Variants in TLN2 observed in about 807,000 individuals in gnomAD.
The protein encoded by TLN2 is talin-2.
A neutral mutation model predicts 294.7 loss-of-function variants in TLN2; 118 were observed. The observed-to-expected ratio is 0.40, with a 90% CI of 0.34 to 0.47. TLN2 has a LOEUF of 0.47. Among genes scored for constraint, TLN2 ranks in the 20% least tolerant of loss-of-function variants. The pLI is 0.84. For missense variants in TLN2, 3,083 were observed against 3,282.2 expected (o/e 0.94, Z 1.48); for synonymous variants, 1,431 against 1,304.5 (o/e 1.10, Z -2.09).
chr15:62,393,189 T>C (rs1171082310), intron 1 of TLN2, among the ~76,000 whole-genome samples: 1 of 152,206 alleles, frequency 6.6e-6, no homozygotes, highest in African/African-American at 2.4e-5. Context: ...GCCACTGGTT[T>C]CTCTCTGCCT....
chr15:62,506,721 A>G (rs1426780056), intron 1 of TLN2, among the ~76,000 whole-genome samples: 3 of 152,230 alleles, frequency 2.0e-5, no homozygotes, highest in Non-Finnish European at 4.4e-5. Flanking sequence ...ATAAATAACT[A>G]AGCAACTTGA....
At chr15:62,462,987 C>T (rs2036894600) in intron 1 of TLN2, among the ~76,000 whole-genome samples, 1 of 152,202 alleles carries the variant, frequency 6.6e-6, no homozygotes, top group Non-Finnish European at 1.5e-5. Context: ...TCCCTCTTTG[C>T]TGAGCAGCTG....
In TLN2 at chr15:62,607,022, C is replaced by T. The variant is rs140695801; in HGVS notation, c.-161-11329C>T. Among the ~76,000 whole-genome samples, 29 of 152,250 alleles carry T rather than the reference C, an allele frequency of 1.9e-4. No homozygotes were observed. The East Asian group carries it at 5.2e-3, about 27-fold the overall frequency. ...ACCACCACCGCTGCCTGTAGTCTTC[C>T]GCCCCTTCCTCATCTCCGGATGAGT... On this transcript the variant is annotated intron_variant, in intron 2 of 58. Transcript: ENST00000636159.
chr15:62,400,727 G>A (rs2032952772), intron 1 of TLN2, among the ~76,000 whole-genome samples: 1 of 151,504 alleles, frequency 6.6e-6, no homozygotes, highest in African/African-American at 2.4e-5. Context: ...GATCATTCAT[G>A]CATTTTTTTG....
intron 1 of TLN2, among the ~76,000 whole-genome samples, chr15:62,436,447 C>G (rs2035291404): frequency 6.6e-6 from 1 of 152,196 alleles, no homozygotes; most frequent in Non-Finnish European, 1.5e-5. Flanking sequence ...GTGTCCAACC[C>G]TATAACCTGA....
intron 1 of TLN2, among the ~76,000 whole-genome samples, chr15:62,503,405 C>G (rs2039415068): frequency 6.6e-6 from 1 of 152,134 alleles, no homozygotes; most frequent in Non-Finnish European, 1.5e-5. Context: ...CTCGAATCCT[C>G]CACTTCAACT....
In TLN2 at chr15:62,653,251, A is replaced by G; in HGVS notation, c.454A>G (p.Thr152Ala). The change falls in exon 7 of 59, where the codon ACA (threonine) becomes GCA (alanine). Residue 152 changes from threonine (T) to alanine (A), a missense_variant. Coordinates refer to ENST00000636159, the MANE Select transcript of TLN2 (RefSeq NM_015059.3). ...EGTGTLKKDR[T>A]LLRDERKMEK... ...AACGGGCACACTCAAAAAAGACAGG[A>G]CACTGTTACGAGATGAGAGGAAAAT... is the stretch of plus-strand genomic sequence containing the variant. 6.2e-7 allele frequency: 1 copy of G among 1,613,824 alleles called. No homozygotes were observed. The highest frequency in any genetic ancestry group is 8.5e-7 in the Non-Finnish European group (1 of 1,179,944).
At chr15:62,590,702 TG>T (rs1019259093) in intron 2 of TLN2, among the ~76,000 whole-genome samples, 27 of 152,148 alleles carry the variant, frequency 1.8e-4, no homozygotes, top group Non-Finnish European at 3.7e-4. Context: ...TTGGTTGTCC[TG>T]GGGGGGTTGT....
chr15:62,399,700 C>T (rs1356452317), intron 1 of TLN2, among the ~76,000 whole-genome samples: 1 of 152,222 alleles, frequency 6.6e-6, no homozygotes, highest in Non-Finnish European at 1.5e-5. Context: ...TTTGGACTTG[C>T]ATGGGGCCTG....
chr15:62,702,007 C>T lies in TLN2; in HGVS notation c.1712C>T (p.Thr571Ile), dbSNP rs771752304. 1 of 1,614,078 alleles carries T rather than the reference C, an allele frequency of 6.2e-7. No individual in the cohort carries two copies. The change falls in exon 18 of 59, where the codon ACT (threonine) becomes ATT (isoleucine). Residue 571 changes from threonine to isoleucine, a missense_variant. Physicochemically the swap from Thr to Ile is moderately conservative, Grantham distance 89. Coordinates refer to ENST00000636159, the MANE Select transcript of TLN2 (RefSeq NM_015059.3). ...VNLTAGDPAD[T>I]DYTAVGCAIT... ...TCTGTGCCAGGTGACCCTGCAGACA[C>T]TGACTACACAGCTGTGGGATGTGCG... is the stretch of plus-strand genomic sequence containing the variant.
chr15:62,703,264 G>A (rs762674120), intron 19 of TLN2, among the ~76,000 whole-genome samples: 1 of 151,790 alleles, frequency 6.6e-6, no homozygotes, highest in African/African-American at 2.4e-5. Flanking sequence ...CACCATGCCC[G>A]GCTAATTTTT....
chr15:62,463,062 C>G (rs1057255225), intron 1 of TLN2, among the ~76,000 whole-genome samples: 7 of 152,238 alleles, frequency 4.6e-5, no homozygotes, highest in Non-Finnish European at 1.0e-4. Flanking sequence ...TTGCCTTTCC[C>G]CCAACCCCCC....
chr15:62,573,997 C>T (rs1240443381), intron 1 of TLN2, among the ~76,000 whole-genome samples: 2 of 152,108 alleles, frequency 1.3e-5, no homozygotes, highest in Admixed American at 6.5e-5. Flanking sequence ...AGATGCAGCC[C>T]TTCCTGGGTG....
intron 50 of TLN2, among the ~76,000 whole-genome samples, chr15:62,803,286 A>C (rs188823365): frequency 6.6e-6 from 1 of 152,120 alleles, no homozygotes; most frequent in Non-Finnish European, 1.5e-5. Flanking sequence ...TGATTATTAA[A>C]TTCCTTGCAG....
rs1491228900 is a variant in TLN2 at position 62,689,069 on chromosome 15, T to TC, written c.1113+2273_1113+2274insC. Among the ~76,000 whole-genome samples the TC allele has an allele frequency of 3.8e-3, 428 of 112,092 alleles. 3 individuals are homozygous for TC. The highest frequency in any genetic ancestry group is 0.015 in the African/African-American group (366 of 24,154). 73.5% of individuals were successfully genotyped at this position (112,092 alleles called of 152,430 possible). ...TTTGTCCACTTTATTTCTCTCTCTC[T>TC]TTTTTTTTTTTTTTTTGCCTTTTCT... is the stretch of plus-strand genomic sequence containing the variant. On this transcript the variant is annotated intron_variant, in intron 12 of 58. Coordinates refer to ENST00000636159, the MANE Select transcript of TLN2 (RefSeq NM_015059.3).
At chr15:62,789,448 A>G (rs935736563) in intron 45 of TLN2, among the ~76,000 whole-genome samples, 3 of 152,102 alleles carry the variant, frequency 2.0e-5, no homozygotes, top group African/African-American at 7.2e-5. Context: ...CTCCCTTGCT[A>G]TATGCATCGT....
At chr15:62,803,140 A>G (rs958010998) in intron 50 of TLN2, among the ~76,000 whole-genome samples, 1 of 152,028 alleles carries the variant, frequency 6.6e-6, no homozygotes, top group African/African-American at 2.4e-5. Context: ...TAAATATGTC[A>G]TGCCCCTCTC....
At chr15:62,538,293 TC>T (rs1173190596) in intron 1 of TLN2, among the ~76,000 whole-genome samples, 1 of 152,144 alleles carries the variant, frequency 6.6e-6, no homozygotes. Context: ...TCTCCATTCT[TC>T]CATCAAGAGC....
In TLN2 at chr15:62,579,525, C is replaced by G. The variant is rs117391870; in HGVS notation, c.-237-10162C>G. ...CTTAGGTTGCTGGGGGCTGAGAAGA[C>G]TCACAGTACACTTTGATTGTTTCTT... On this transcript the variant is annotated intron_variant, in intron 1 of 58. Transcript: ENST00000636159. Among the ~76,000 whole-genome samples, 645 of 152,308 alleles carry G rather than the reference C, an allele frequency of 4.2e-3. 2 individuals carry two copies. The highest frequency in any genetic ancestry group is 6.9e-3 in the Non-Finnish European group (467 of 68,024).
Sources: gnomAD v4.1 joint callset for allele counts (sites outside exome capture counted in the v4.1 genomes callset) on GRCh38, gnomAD v4.1.1 for gene constraint, MANE v1.5 for transcripts, NCBI Gene and HGNC (gene_info 2026-07-23, HGNC 2026-07-21) for gene names.